Variants in SEMA3E observed in about 807,000 individuals in gnomAD.
SEMA3E encodes the protein semaphorin-3E.
A neutral mutation model predicts 93.6 loss-of-function variants in SEMA3E; 49 were observed. The observed-to-expected ratio is 0.52, with a 90% CI of 0.42 to 0.66. The LOEUF (loss-of-function observed/expected upper bound fraction) is 0.66, where lower values mean the gene tolerates loss of function less well. Among genes scored for constraint, SEMA3E ranks in the 30% least tolerant of loss-of-function variants. SEMA3E has a pLI of 0.00. For synonymous variants in SEMA3E, 363 were observed against 330.7 expected (o/e 1.10, Z -1.06); for missense variants, 906 against 964.8 (o/e 0.94, Z 0.81).
chr7:83,468,622 G>A (rs1789827510), intron 3 of SEMA3E, among the ~76,000 whole-genome samples: 1 of 151,922 alleles, frequency 6.6e-6, no homozygotes, highest in South Asian at 2.1e-4. Flanking sequence ...TTCCTCCAGG[G>A]TGCATTTGTG....
At chr7:83,460,111 G>GTGCATGAAATTTGGTGCCGTGATTCAGA (rs1562791741) in intron 4 of SEMA3E, among the ~76,000 whole-genome samples, 4 of 152,286 alleles carry the variant, frequency 2.6e-5, no homozygotes, top group African/African-American at 9.6e-5. Flanking sequence ...TCACACGGAC[G>GTGCATGAAATTTGGTGCCGTGATTCAGA]TGCATGAAAT....
chr7:83,444,372 C>T (rs886562819), intron 4 of SEMA3E, among the ~76,000 whole-genome samples: 1 of 152,086 alleles, frequency 6.6e-6, no homozygotes, highest in Non-Finnish European at 1.5e-5. Flanking sequence ...AAGAGGTCCT[C>T]CCTCCTTTGT....
At chr7:83,620,005 G>T (rs151053551) in intron 1 of SEMA3E, among the ~76,000 whole-genome samples, 148 of 151,860 alleles carry the variant, frequency 9.7e-4, no homozygotes, top group African/African-American at 3.3e-3. Context: ...CATTTAGTAG[G>T]TAATCAATAA....
At chr7:83,597,791 C>T (rs867616071) in intron 1 of SEMA3E, among the ~76,000 whole-genome samples, 6 of 152,156 alleles carry the variant, frequency 3.9e-5, no homozygotes, top group Non-Finnish European at 7.3e-5. Context: ...AATCTAACAT[C>T]AAACCCAATT....
chr7:83,505,377 A>C (rs1408901535), intron 1 of SEMA3E, among the ~76,000 whole-genome samples: 1 of 152,178 alleles, frequency 6.6e-6, no homozygotes, highest in East Asian at 1.9e-4. Context: ...TATTAACCTC[A>C]AACAAATAAA....
chr7:83,506,308 C>T (rs1179738816), intron 1 of SEMA3E, among the ~76,000 whole-genome samples: 1 of 151,926 alleles, frequency 6.6e-6, no homozygotes, highest in Admixed American at 6.6e-5. Flanking sequence ...AAGATCCAGT[C>T]ATTTGCAACA....
intron 9 of SEMA3E, among the ~76,000 whole-genome samples, chr7:83,404,118 C>A (rs1788281806): frequency 6.6e-6 from 1 of 151,924 alleles, no homozygotes; most frequent in Non-Finnish European, 1.5e-5. Flanking sequence ...TTATTCACAG[C>A]ATAAGGGAGG....
intron 1 of SEMA3E, among the ~76,000 whole-genome samples, chr7:83,600,849 G>T (rs1250956989): frequency 6.6e-6 from 1 of 152,166 alleles, no homozygotes; most frequent in Non-Finnish European, 1.5e-5. Context: ...CTAGACTCTA[G>T]AGAGTCATGG....
At chr7:83,371,778 C>T (rs1794752356) in intron 16 of SEMA3E, 1 of 152,072 alleles carries the variant, frequency 6.6e-6, no homozygotes, top group African/African-American at 2.4e-5. Context: ...CTCTTTTTCC[C>T]TTAAATAAAC....
rs915230813 is a variant in SEMA3E at position 83,609,188 on chromosome 7, CA to C, written c.115+39239del. Among the ~76,000 whole-genome samples, 3 of 151,574 alleles carry C rather than the reference CA, an allele frequency of 2.0e-5. No homozygotes were observed. In the East Asian group the frequency reaches 5.8e-4, roughly 29 times the overall value. The stretch of plus-strand genomic sequence containing the variant: ...GAAGTTCAAAAAATACTCAATAGTA[CA>C]AAAAAAGGTTATGTTGAAACAGTGT... On this transcript the variant is annotated intron_variant, in intron 1 of 16. Coordinates refer to ENST00000643230, the MANE Select transcript of SEMA3E (RefSeq NM_012431.3).
At chr7:83,414,766 T>C (rs959935173) in intron 5 of SEMA3E, among the ~76,000 whole-genome samples, 2 of 152,050 alleles carry the variant, frequency 1.3e-5, no homozygotes, top group African/African-American at 4.8e-5. Flanking sequence ...TTTCAAAAGG[T>C]ACATGACAAA....
chr7:83,582,409 A>G (rs929318293), intron 1 of SEMA3E, among the ~76,000 whole-genome samples: 1 of 152,070 alleles, frequency 6.6e-6, no homozygotes, highest in East Asian at 1.9e-4. Flanking sequence ...GAGTGGCCCT[A>G]AGACACAAAT....
intron 10 of SEMA3E, among the ~76,000 whole-genome samples, chr7:83,401,780 G>A (rs552707439): frequency 6.6e-6 from 1 of 152,192 alleles, no homozygotes; most frequent in African/African-American, 2.4e-5. Context: ...TCAGTGTAGT[G>A]ATGGGATTTC....
At chr7:83,612,807 C>T (rs1021080892) in intron 1 of SEMA3E, among the ~76,000 whole-genome samples, 1 of 152,034 alleles carries the variant, frequency 6.6e-6, no homozygotes, top group Non-Finnish European at 1.5e-5. Flanking sequence ...TATAGTAATT[C>T]CCCAATAAGA....
Position 83,597,692 on chromosome 7 carries a change from A to T in SEMA3E, c.115+50736T>A, listed in dbSNP as rs116287269. On this transcript the variant is annotated intron_variant, in intron 1 of 16. Coordinates refer to ENST00000643230, the MANE Select transcript of SEMA3E (RefSeq NM_012431.3). ...TCAGCGTGTATAAATAATATAGCACAACTATACTTGTCTTGGTTATTGCTA... is the reference window on the plus strand; with the variant it reads ...TCAGCGTGTATAAATAATATAGCACTACTATACTTGTCTTGGTTATTGCTA... 7.5e-3 allele frequency among the ~76,000 whole-genome samples: 1,137 copies of T among 152,304 alleles called. 9 individuals carry two copies. The highest frequency in any genetic ancestry group is 0.026 in the African/African-American group (1,089 of 41,576).
rs187854656 is a variant in SEMA3E, at chr7:83,606,283, T to C, written c.115+42145A>G. 1.3e-3 allele frequency among the ~76,000 whole-genome samples: 198 copies of C among 152,332 alleles called. 2 individuals carry two copies. The highest frequency in any genetic ancestry group is 9.8e-4 in the Non-Finnish European group (67 of 68,038). On this transcript the variant is annotated intron_variant, in intron 1 of 16. Transcript: ENST00000643230. ...AAAAAGCTATTGAATTGCTGATTCA[T>C]TGGCCTTAATATTTTAGCAACTTGC...
chr7:83,502,543 T>C (rs1367405913), intron 1 of SEMA3E, among the ~76,000 whole-genome samples: 2 of 152,122 alleles, frequency 1.3e-5, no homozygotes, highest in African/African-American at 4.8e-5. Context: ...CTCATCTGGA[T>C]CTTCACTCTG....
At chr7:83,588,796 A>G (rs215308) in intron 1 of SEMA3E, among the ~76,000 whole-genome samples, 79,690 of 151,974 alleles carry the variant, frequency 0.52, 21,455 homozygotes, top group Middle Eastern at 0.68. Context: ...AAGAAAACAC[A>G]AAAGCTTACC....
chr7:83,493,711 G>C (rs1479699275), intron 1 of SEMA3E, among the ~76,000 whole-genome samples: 3 of 151,978 alleles, frequency 2.0e-5, no homozygotes, highest in Middle Eastern at 3.4e-3. Flanking sequence ...CTTGTCAGTA[G>C]GTAGACATTA....
Sources: gnomAD v4.1 joint callset for allele counts (sites outside exome capture counted in the v4.1 genomes callset) on GRCh38, gnomAD v4.1.1 for gene constraint, MANE v1.5 for transcripts, NCBI Gene and HGNC (gene_info 2026-07-23, HGNC 2026-07-21) for gene names.